The following DNAJC1 variants were observed in gnomAD, a reference collection of about 807,000 sequenced individuals.
DNAJC1 encodes dnaJ homolog subfamily C member 1.
In DNAJC1, 58 loss-of-function variants were observed where a neutral mutation model predicts 76.6. The observed-to-expected ratio is 0.76, with a 90% CI of 0.61 to 0.94. The LOEUF (loss-of-function observed/expected upper bound fraction) is 0.94. DNAJC1 is among the 40% of genes least tolerant of loss of function. The probability of loss-of-function intolerance (pLI) is 0.00; values close to 1 mark genes in which losing one functional copy is unlikely to be tolerated. For synonymous variants in DNAJC1, 258 were observed against 267.9 expected (o/e 0.96, Z 0.36); for missense variants, 689 against 677.3 (o/e 1.02, Z -0.19).
intron 1 of DNAJC1, among the ~76,000 whole-genome samples, chr10:21,995,100 A>T (rs1838394865): frequency 6.6e-6 from 1 of 151,806 alleles, no homozygotes; most frequent in Admixed American, 6.6e-5. Flanking sequence ...ATTTGCAATT[A>T]AAAAAAATTT....
intron 8 of DNAJC1, among the ~76,000 whole-genome samples, chr10:21,844,729 GT>G (rs144894071): frequency 6.6e-6 from 1 of 152,012 alleles, no homozygotes; most frequent in East Asian, 1.9e-4. Flanking sequence ...AAAAATGGCT[GT>G]TTTTTTAAAA....
At chr10:21,969,349 A>G (rs1837940483) in intron 1 of DNAJC1, among the ~76,000 whole-genome samples, 1 of 152,210 alleles carries the variant, frequency 6.6e-6, no homozygotes, top group African/African-American at 2.4e-5. Flanking sequence ...ATATTTAGCA[A>G]CATTTCCAAA....
chr10:21,948,349 C>A (rs892715274), intron 1 of DNAJC1, among the ~76,000 whole-genome samples: 1 of 152,110 alleles, frequency 6.6e-6, no homozygotes, highest in East Asian at 1.9e-4. Flanking sequence ...GAAATCATTG[C>A]ACAAAATAAT....
intron 8 of DNAJC1, among the ~76,000 whole-genome samples, chr10:21,808,499 T>G (rs1415107482): frequency 6.6e-6 from 1 of 152,198 alleles, no homozygotes; most frequent in Non-Finnish European, 1.5e-5. Flanking sequence ...TTAATATTTT[T>G]AAAGAGGCTC....
At chr10:21,802,179 G>A (rs1648935476) in intron 9 of DNAJC1, among the ~76,000 whole-genome samples, 1 of 152,090 alleles carries the variant, frequency 6.6e-6, no homozygotes, top group South Asian at 2.1e-4. Flanking sequence ...GAAGGGAGAG[G>A]AGTATGAGAT....
At chr10:21,761,244 A>G (rs906417187) in intron 10 of DNAJC1, among the ~76,000 whole-genome samples, 1 of 152,164 alleles carries the variant, frequency 6.6e-6, no homozygotes, top group Non-Finnish European at 1.5e-5. Flanking sequence ...TCCTCTTTAT[A>G]GTAGGCTTTT....
At chr10:21,894,301 C>T (rs991625590) in intron 7 of DNAJC1, among the ~76,000 whole-genome samples, 6 of 152,126 alleles carry the variant, frequency 3.9e-5, no homozygotes, top group South Asian at 2.1e-4. Flanking sequence ...CTGGGCACGA[C>T]GGCTCACGTC....
intron 8 of DNAJC1, among the ~76,000 whole-genome samples, chr10:21,871,151 T>C (rs1199875367): frequency 6.6e-6 from 1 of 152,102 alleles, no homozygotes; most frequent in Non-Finnish European, 1.5e-5. Context: ...CATGAAGTTA[T>C]TAAAACAGTT....
intron 1 of DNAJC1, among the ~76,000 whole-genome samples, chr10:21,935,162 C>T (rs1307117293): frequency 6.6e-6 from 1 of 152,074 alleles, no homozygotes; most frequent in Non-Finnish European, 1.5e-5. Flanking sequence ...AGGATGTCCA[C>T]ATATTGCATT....
chr10:21,915,756 T>A (rs972789295), intron 6 of DNAJC1, among the ~76,000 whole-genome samples: 1 of 151,912 alleles, frequency 6.6e-6, no homozygotes, highest in Non-Finnish European at 1.5e-5. Flanking sequence ...ATTGTTTCTA[T>A]GAAAACCAAG....
chr10:21,835,122 G>C (rs1264856972), intron 8 of DNAJC1, among the ~76,000 whole-genome samples: 1 of 152,122 alleles, frequency 6.6e-6, no homozygotes, highest in Non-Finnish European at 1.5e-5. Context: ...ACTCCTCTGA[G>C]ACAAAACTTC....
At chr10:21,770,240 A>T (rs1355545781) in intron 9 of DNAJC1, among the ~76,000 whole-genome samples, 1 of 152,152 alleles carries the variant, frequency 6.6e-6, no homozygotes, top group African/African-American at 2.4e-5. Flanking sequence ...CTAACTTAAT[A>T]GTTAATAATT....
intron 1 of DNAJC1, among the ~76,000 whole-genome samples, chr10:21,984,169 T>A (rs1057179474): frequency 6.6e-6 from 1 of 152,186 alleles, no homozygotes; most frequent in South Asian, 2.1e-4. Context: ...TAAAAAATTT[T>A]AATAGAAAAA....
At chr10:21,797,387 C>G (rs977362009) in intron 9 of DNAJC1, among the ~76,000 whole-genome samples, 2 of 152,092 alleles carry the variant, frequency 1.3e-5, no homozygotes, top group Non-Finnish European at 2.9e-5. Context: ...TGTGGTATCT[C>G]CAGTTTTATT....
At chr10:21,787,201 G>T (rs750661113) in intron 9 of DNAJC1, among the ~76,000 whole-genome samples, 1 of 151,968 alleles carries the variant, frequency 6.6e-6, no homozygotes, top group Admixed American at 6.6e-5. Context: ...GGTGGCAGGC[G>T]CTTGTAGTCC....
Position 22,003,568 on chromosome 10 carries a change from A to T in DNAJC1, c.-134T>A. The T allele has an allele frequency of 3.6e-6, 4 of 1,110,116 alleles. No homozygotes were observed. Among genetic ancestry groups the T allele is most frequent in the East Asian group, 3.5e-5 (1 of 28,334 alleles). 68.8% of individuals were successfully genotyped at this position (1,110,116 alleles called of 1,614,324 possible). A position where few individuals can be genotyped will look rare whatever the true frequency, so the allele number is the denominator to read the frequency against. On this transcript the variant is annotated 5_prime_UTR_variant, in exon 1 of 12. Transcript: ENST00000376980. ...GGCAGGCGCACCGGAGCGGCCCGCC[A>T]GGTGGCTGGCCCCAGACAGAGCGCG...
intron 7 of DNAJC1, among the ~76,000 whole-genome samples, chr10:21,891,502 A>AAAAG (rs1836462997): frequency 6.8e-6 from 1 of 146,460 alleles, no homozygotes; most frequent in African/African-American, 2.6e-5. Flanking sequence ...AAAAGAAAAG[A>AAAAG]AAAAAAAAAG....
chr10:21,928,488 G>A lies in DNAJC1; in HGVS notation c.371+18C>T, dbSNP rs1590053130. 6.2e-7 allele frequency: 1 copy of A among 1,607,258 alleles called. No individual in the cohort carries two copies. Among genetic ancestry groups the A allele is most frequent in the South Asian group, 1.1e-5 (1 of 90,380 alleles). On this transcript the variant is annotated intron_variant, in intron 3 of 11. Transcript: ENST00000376980. ...GAAACTATAACATCTTAATTCAAAA[G>A]CAGAAATGAACACTCACCTCTGCCT...
Position 21,827,921 on chromosome 10 carries a change from T to C in DNAJC1, c.979-21822A>G, listed in dbSNP as rs562564886. On this transcript the variant is annotated intron_variant, in intron 8 of 11. Coordinates refer to ENST00000376980, the MANE Select transcript of DNAJC1 (RefSeq NM_022365.4). ...AATGAACATCTTTTAAATAATTCTTTGCTTATATGTGTGTTTCTCTAGTGA... is the reference window on the plus strand; with the variant it reads ...AATGAACATCTTTTAAATAATTCTTCGCTTATATGTGTGTTTCTCTAGTGA... 3.3e-5 allele frequency among the ~76,000 whole-genome samples: 5 copies of C among 152,356 alleles called. No homozygotes were observed. In the East Asian group the frequency reaches 5.8e-4, roughly 18 times the overall value.
Sources: gnomAD v4.1 joint callset for allele counts (sites outside exome capture counted in the v4.1 genomes callset) on GRCh38, gnomAD v4.1.1 for gene constraint, MANE v1.5 for transcripts, NCBI Gene and HGNC (gene_info 2026-07-23, HGNC 2026-07-21) for gene names.